Variants in ZC3H18 observed in about 807,000 individuals in gnomAD.
ZC3H18 encodes zinc finger CCCH-type containing 18, also known as zinc finger CCCH domain-containing protein 18.
ZC3H18 carries 8 observed loss-of-function variants against 106.1 expected under a neutral mutation model. The observed-to-expected ratio is 0.08, with a 90% CI of 0.04 to 0.14. The LOEUF (loss-of-function observed/expected upper bound fraction) is 0.14, where lower values mean the gene tolerates loss of function less well. Among genes scored for constraint, ZC3H18 ranks in the 10% least tolerant of loss-of-function variants. ZC3H18 has a pLI of 1.00. For synonymous variants in ZC3H18, 635 were observed against 522.1 expected, an observed-to-expected ratio of 1.22 and a Z score of -2.95; for missense variants, 1,318 against 1,278.4, an observed-to-expected ratio of 1.03 and a Z score of -0.47.
chr16:88,576,261 C>CG (rs987197108), intron 1 of ZC3H18, among the ~76,000 whole-genome samples: 67 of 152,014 alleles, frequency 4.4e-4, no homozygotes, highest in African/African-American at 1.5e-3. Flanking sequence ...AGGCTGGTCT[C>CG]GAACTGCTGG....
intron 2 of ZC3H18, 93 bp from the exon 3 acceptor site, chr16:88,586,507 T>C (rs1915444023): frequency 2.0e-6 from 2 of 1,012,586 alleles, no homozygotes; most frequent in Admixed American, 3.7e-5. Context: ...ATATCCAGGT[T>C]CCACACGCAG....
intron 3 of ZC3H18, 100 bp downstream of exon 3, chr16:88,586,784 C>A: frequency 2.3e-6 from 2 of 864,992 alleles, no homozygotes; most frequent in Non-Finnish European, 1.9e-6. Context: ...CTGCTCAAGG[C>A]AGTTCTCTGG....
chr16:88,623,252 C>T lies in ZC3H18; in HGVS notation c.1701C>T (p.Ser567=), dbSNP rs368288691. 38 of 1,613,424 alleles carry T rather than the reference C, an allele frequency of 2.4e-5. No homozygotes were observed. Among genetic ancestry groups the T allele is most frequent in the African/African-American group, 5.3e-5 (4 of 74,894 alleles). ...CGCGGTCATCGTCCTACTCTGGCTCCGGCTCCTCCCGGTCGCGATCCCGGT... is the reference window on the plus strand; with the variant it reads ...CGCGGTCATCGTCCTACTCTGGCTCTGGCTCCTCCCGGTCGCGATCCCGGT... The part of the protein sequence containing the change: ...SSSRSSSYSG[S]GSSRSRSRSS... Residue 567 remains serine (S), a synonymous_variant, in exon 10 of 18, where the codon TCC becomes TCT. Transcript: ENST00000301011.
At chr16:88,587,597 C>G in intron 3 of ZC3H18, 1 of 1,536,014 alleles carries the variant, frequency 6.5e-7, no homozygotes, top group Non-Finnish European at 8.7e-7. Flanking sequence ...CCATACCATT[C>G]AGAGGCCAGG....
intron 8 of ZC3H18, among the ~76,000 whole-genome samples, chr16:88,614,216 G>A (rs982033752): frequency 2.0e-5 from 3 of 152,254 alleles, no homozygotes; most frequent in Non-Finnish European, 4.4e-5. Context: ...GGGCAGCTTC[G>A]TGGCTGGAGC....
intron 8 of ZC3H18, among the ~76,000 whole-genome samples, chr16:88,614,707 G>A (rs1343117905): frequency 1.3e-5 from 2 of 152,176 alleles, no homozygotes; most frequent in Non-Finnish European, 2.9e-5. Context: ...AGTTTACATG[G>A]TCATCCAAAC....
chr16:88,599,645 C>T (rs550027317), intron 5 of ZC3H18, 146 bp from the exon 6 acceptor site: 13 of 960,784 alleles, frequency 1.4e-5, no homozygotes, highest in African/African-American at 1.1e-4. Flanking sequence ...GTGCTGTGTC[C>T]GCCCCTCACC....
chr16:88,581,012 C>G (rs890153830), intron 2 of ZC3H18, among the ~76,000 whole-genome samples: 5 of 152,230 alleles, frequency 3.3e-5, no homozygotes, highest in African/African-American at 1.2e-4. Context: ...GGGACTGATT[C>G]GCCTAGAGGC....
In ZC3H18 at chr16:88,627,984, A is replaced by G. The variant is rs551741455; in HGVS notation, c.2334A>G (p.Pro778=). ...EKRKRDSSTQ[P]PKSAKPPAGG... is the part of the protein sequence containing the mutation. ...GGAAAAGGGATTCGTCCACACAACC[A>G]CCCAAATCTGCAAAACCTCCAGCAG... The change falls in exon 15 of 18, where the codon CCA becomes CCG. Residue 778 remains proline (P), a synonymous_variant. Transcript: ENST00000301011. The surrounding 1 kb of genome is among the most constrained non-coding windows in gnomAD (Gnocchi z 4.5). 1.2e-6 allele frequency: 2 copies of G among 1,614,056 alleles called. No individual in the cohort carries two copies. Among genetic ancestry groups the G allele is most frequent in the South Asian group, 1.1e-5 (1 of 91,086 alleles).
chr16:88,624,191 C>A, intron 11 of ZC3H18, 129 bp downstream of exon 11: 1 of 1,305,690 alleles, frequency 7.7e-7, no homozygotes, highest in African/African-American at 1.5e-5. Flanking sequence ...GGGCTGGCCC[C>A]AGGGGGTGAC....
Position 88,631,416 on chromosome 16 carries a change from A to G in ZC3H18, c.*117A>G. ...TTCTTTTTAAAAAGTAAAAAAGAAAAAAAAGTTTCTCAGCTGGAAAAGAAG... is the reference window on the plus strand; with the variant it reads ...TTCTTTTTAAAAAGTAAAAAAGAAAGAAAAGTTTCTCAGCTGGAAAAGAAG... On this transcript the variant is annotated 3_prime_UTR_variant, in exon 18 of 18. Transcript: ENST00000301011. The G allele has an allele frequency of 7.1e-7, 1 of 1,401,204 alleles. No homozygotes were observed. Among genetic ancestry groups the G allele is most frequent in the Non-Finnish European group, 9.6e-7 (1 of 1,038,274 alleles). 86.8% of individuals were successfully genotyped at this position (1,401,204 alleles called of 1,614,324 possible).
intron 8 of ZC3H18, 32 bp from the exon 9 acceptor site, chr16:88,622,165 C>A: frequency 6.3e-7 from 1 of 1,589,812 alleles, no homozygotes. Flanking sequence ...CGGAAGGTGG[C>A]CTGAGAGTTG....
intron 9 of ZC3H18, 75 bp from the exon 10 acceptor site, chr16:88,623,144 C>G: frequency 1.3e-6 from 2 of 1,557,082 alleles, no homozygotes; most frequent in East Asian, 4.7e-5. Flanking sequence ...TGTAGCTGTG[C>G]ATGTGTGCGT....
At chr16:88,602,665 T>G (rs1219715869) in intron 6 of ZC3H18, among the ~76,000 whole-genome samples, 1 of 152,230 alleles carries the variant, frequency 6.6e-6, no homozygotes, top group Non-Finnish European at 1.5e-5. Context: ...TTATTTTATT[T>G]CCTAATGTCG....
Position 88,609,060 on chromosome 16 carries a change from G to T in ZC3H18, c.1206+9G>T. 6.3e-7 allele frequency: 1 copy of T among 1,593,894 alleles called. No individual in the cohort carries two copies. The highest frequency in any genetic ancestry group is 1.1e-5 in the South Asian group (1 of 90,078). ...CGTATCATAATTACCGAGTAAGTATGACTTCAATATCCACATATGAACTTC... is the reference window on the plus strand; with the variant it reads ...CGTATCATAATTACCGAGTAAGTATTACTTCAATATCCACATATGAACTTC... On this transcript the variant is annotated intron_variant, in intron 7 of 17. Coordinates refer to ENST00000301011, the MANE Select transcript of ZC3H18 (RefSeq NM_144604.4).
chr16:88,611,409 AAGG>A lies in ZC3H18; in HGVS notation c.1354_1356del (p.Glu452del), dbSNP rs757575421. 4.1e-5 allele frequency: 53 copies of A among 1,293,622 alleles called. No homozygotes were observed. The highest frequency in any genetic ancestry group is 5.3e-5 in the Non-Finnish European group (48 of 911,754). The allele number at this position is 1,293,622 out of a possible 1,614,324, so 80.1% of individuals were successfully genotyped here. A position where few individuals can be genotyped will look rare whatever the true frequency, so the allele number is the denominator to read the frequency against. ...GCGCGACAAGGAGCGGCAGCGGAGG[AAGG>A]AGGAGTGGGAGCGTGAGCGAGCCAA... On this transcript the variant is annotated inframe_deletion, in exon 8 of 18. Coordinates refer to ENST00000301011, the MANE Select transcript of ZC3H18 (RefSeq NM_144604.4).
intron 2 of ZC3H18, among the ~76,000 whole-genome samples, chr16:88,583,519 A>T (rs1261186408): frequency 6.6e-6 from 1 of 152,234 alleles, no homozygotes; most frequent in Non-Finnish European, 1.5e-5. Flanking sequence ...GTCCACACTC[A>T]CAGTCATGAC....
intron 8 of ZC3H18, among the ~76,000 whole-genome samples, chr16:88,615,031 C>T (rs1303959538): frequency 6.7e-6 from 1 of 149,104 alleles, no homozygotes; most frequent in Non-Finnish European, 1.5e-5. Flanking sequence ...GTTTGACAGG[C>T]TGCCCCCACC....
rs1210290794 is a variant in ZC3H18 at position 88,611,403 on chromosome 16, C to T, written c.1342C>T (p.Arg448Trp). Residue 448 changes from arginine (R) to tryptophan (W), a missense_variant, in exon 8 of 18, where the codon CGG becomes TGG. Physicochemically the swap from Arg to Trp is moderately radical, Grantham distance 101 (BLOSUM62 -3). Transcript: ENST00000301011. ...GCGCGAGCGCGACAAGGAGCGGCAG[C>T]GGAGGAAGGAGGAGTGGGAGCGTGA... ...RERERDKERQ[R>W]RKEEWERERA... The T allele has an allele frequency of 6.4e-6, 8 of 1,255,568 alleles. No individual in the cohort carries two copies. The highest frequency in any genetic ancestry group is 4.0e-5 in the Admixed American group (2 of 50,592). The allele number at this position is 1,255,568 out of a possible 1,614,324, so 77.8% of individuals were successfully genotyped here. A position where few individuals can be genotyped will look rare whatever the true frequency, so the allele number is the denominator to read the frequency against.
Sources: allele counts gnomAD v4.1 joint callset (sites outside exome capture counted in the v4.1 genomes callset), GRCh38; gene constraint gnomAD v4.1.1; non-coding constraint Gnocchi (gnomAD v3.1); transcripts MANE v1.5; gene names NCBI Gene and HGNC (gene_info 2026-07-23, HGNC 2026-07-21).